The following MAP2K5 variants were observed in gnomAD, a reference collection of about 807,000 sequenced individuals.
MAP2K5 encodes dual specificity mitogen-activated protein kinase kinase 5.
MAP2K5 carries 49 observed loss-of-function variants against 83.1 expected under a neutral mutation model. That is an observed-to-expected ratio of 0.59 (90% CI 0.47 to 0.75). The LOEUF is 0.75. Ranked by LOEUF, MAP2K5 falls within the 30% of genes least tolerant of loss-of-function variation. The pLI, the probability that MAP2K5 is intolerant of heterozygous loss-of-function variation, is 0.00. For missense variants in MAP2K5, 457 were observed against 557.5 expected (o/e 0.82, Z 1.82); for synonymous variants, 202 against 191.8 (o/e 1.05, Z -0.44).
intron 9 of MAP2K5, among the ~76,000 whole-genome samples, chr15:67,643,083 T>C (rs1321117067): frequency 2.0e-5 from 3 of 152,162 alleles, no homozygotes; most frequent in Admixed American, 2.0e-4. Context: ...TTCCATTGTT[T>C]TGGGGTAAAG....
At chr15:67,601,804 A>G (rs1413979300) in intron 8 of MAP2K5, among the ~76,000 whole-genome samples, 1 of 152,202 alleles carries the variant, frequency 6.6e-6, no homozygotes, top group Non-Finnish European at 1.5e-5. Flanking sequence ...TTGATTTCTC[A>G]GGCTTAGAAG....
At chr15:67,614,515 C>T (rs1419253624) in intron 8 of MAP2K5, among the ~76,000 whole-genome samples, 1 of 152,076 alleles carries the variant, frequency 6.6e-6, no homozygotes, top group Non-Finnish European at 1.5e-5. Context: ...CTAACAATTC[C>T]AGTTCTTTCA....
chr15:67,806,142 C>T (rs1178118049), intron 21 of MAP2K5, among the ~76,000 whole-genome samples: 1 of 152,224 alleles, frequency 6.6e-6, no homozygotes, highest in African/African-American at 2.4e-5. Context: ...TTTGCCTTCC[C>T]TCCAATTGCA....
At chr15:67,772,632 G>A (rs2090164045) in intron 20 of MAP2K5, 75 bp from the exon 21 acceptor site, 6 of 901,148 alleles carry the variant, frequency 6.7e-6, no homozygotes, top group South Asian at 5.6e-5. Context: ...AGTACAAATA[G>A]CCATTGGTAG....
At chr15:67,570,500 G>T (rs2084928866) in intron 3 of MAP2K5, among the ~76,000 whole-genome samples, 1 of 152,232 alleles carries the variant, frequency 6.6e-6, no homozygotes, top group Non-Finnish European at 1.5e-5. Context: ...CTGAAGCCAG[G>T]TAAGTAAATG....
intron 9 of MAP2K5, among the ~76,000 whole-genome samples, chr15:67,634,949 CTT>C (rs2086566827): frequency 1.3e-5 from 2 of 152,010 alleles, no homozygotes; most frequent in Non-Finnish European, 2.9e-5. Flanking sequence ...TCATTTTGCT[CTT>C]TGTTTTCTAT....
intron 6 of MAP2K5, among the ~76,000 whole-genome samples, chr15:67,591,551 A>G (rs555278836): frequency 1.3e-5 from 2 of 150,788 alleles, no homozygotes; most frequent in East Asian, 4.2e-4. Context: ...TTGTATTTTT[A>G]GTAGAGACAG....
At chr15:67,705,976 T>A (rs892273783) in intron 16 of MAP2K5, among the ~76,000 whole-genome samples, 2 of 152,106 alleles carry the variant, frequency 1.3e-5, no homozygotes, top group African/African-American at 4.8e-5. Context: ...AGGGCAAATA[T>A]AGCCTTGTAG....
intron 13 of MAP2K5, among the ~76,000 whole-genome samples, chr15:67,670,933 G>A (rs1360033838): frequency 6.6e-6 from 1 of 152,164 alleles, no homozygotes; most frequent in Admixed American, 6.6e-5. Context: ...CAAGAACTGC[G>A]TATCTGCAGA....
chr15:67,789,144 C>CG (rs1443274502), intron 21 of MAP2K5, among the ~76,000 whole-genome samples: 1 of 152,124 alleles, frequency 6.6e-6, no homozygotes, highest in Non-Finnish European at 1.5e-5. Context: ...TGCTTTTTTA[C>CG]TTAGTGAGTC....
Position 67,552,452 on chromosome 15 carries a change from T to C in MAP2K5, c.184+2370T>C, listed in dbSNP as rs1205520200. Among the ~76,000 whole-genome samples, 1 of 152,174 alleles carries C rather than the reference T, an allele frequency of 6.6e-6. No individual in the cohort carries two copies. Among genetic ancestry groups the C allele is most frequent in the African/African-American group, 2.4e-5 (1 of 41,438 alleles). ...CCCCACGAAGTACTCGTTATTTTTTTGAGACAGAGTATTGCTCTGTTGCCC... is the reference window on the plus strand; with the variant it reads ...CCCCACGAAGTACTCGTTATTTTTTCGAGACAGAGTATTGCTCTGTTGCCC... On this transcript the variant is annotated intron_variant, in intron 2 of 21. Coordinates refer to ENST00000178640, the MANE Select transcript of MAP2K5 (RefSeq NM_145160.3). This position sits in a 1 kb window ranked among gnomAD's most constrained non-coding sequence, Gnocchi z 4.2.
At chr15:67,667,490 G>A (rs1402320683) in intron 13 of MAP2K5, among the ~76,000 whole-genome samples, 2 of 152,122 alleles carry the variant, frequency 1.3e-5, no homozygotes, top group South Asian at 2.1e-4. Context: ...TTCTGCAGGG[G>A]CTGGGGGAGC....
intron 11 of MAP2K5, among the ~76,000 whole-genome samples, chr15:67,656,877 C>T (rs1353377853): frequency 6.6e-6 from 1 of 152,158 alleles, no homozygotes; most frequent in Admixed American, 6.6e-5. Flanking sequence ...TAAACCAACC[C>T]CTTCTGCCAT....
chr15:67,704,138 C>T (rs772716624), intron 16 of MAP2K5, among the ~76,000 whole-genome samples: 14 of 151,994 alleles, frequency 9.2e-5, no homozygotes, highest in Non-Finnish European at 1.9e-4. Context: ...ATGCATGTAA[C>T]TTATATTAGA....
Position 67,768,615 on chromosome 15 carries a change from T to C in MAP2K5, c.1135-987T>C, listed in dbSNP as rs1315808926. ...GTATCATACTTTGCAGGGCACTTTG[T>C]GTAGGGATGTCAGGGAGGAAAAAAG... On this transcript the variant is annotated intron_variant, in intron 19 of 21. Coordinates refer to ENST00000178640, the MANE Select transcript of MAP2K5 (RefSeq NM_145160.3). The surrounding 1 kb of genome is among the most constrained non-coding windows in gnomAD (Gnocchi z 4.0). Among the ~76,000 whole-genome samples, 1 of 152,184 alleles carries C rather than the reference T, an allele frequency of 6.6e-6. No homozygotes were observed. Among genetic ancestry groups the C allele is most frequent in the Non-Finnish European group, 1.5e-5 (1 of 68,016 alleles).
intron 17 of MAP2K5, among the ~76,000 whole-genome samples, chr15:67,745,686 A>T (rs188961834): frequency 2.6e-4 from 39 of 152,348 alleles, no homozygotes; most frequent in African/African-American, 9.4e-4. Flanking sequence ...TATCTGAGAC[A>T]GAAAAAGGAG....
chr15:67,545,771 G>A (rs147951359), intron 1 of MAP2K5, among the ~76,000 whole-genome samples: 1 of 152,310 alleles, frequency 6.6e-6, no homozygotes, highest in African/African-American at 2.4e-5. Flanking sequence ...TTGGGGAGGG[G>A]TGAAAGTAAT....
intron 8 of MAP2K5, among the ~76,000 whole-genome samples, chr15:67,613,376 A>G (rs1481137141): frequency 1.3e-5 from 2 of 152,222 alleles, no homozygotes; most frequent in African/African-American, 4.8e-5. Flanking sequence ...CTTACTTGCC[A>G]GCCAAGGAAT....
In MAP2K5 at chr15:67,563,251, C is replaced by T. The variant is rs770404451; in HGVS notation, c.185-32C>T. ...CCTTTGTGCATTAAACAAATGCACA[C>T]CTTATCATTTGCATTATGTGCTTTT... On this transcript the variant is annotated intron_variant, in intron 2 of 21. Coordinates refer to ENST00000178640, the MANE Select transcript of MAP2K5 (RefSeq NM_145160.3). The surrounding 1 kb of genome is among the most constrained non-coding windows in gnomAD (Gnocchi z 4.5). 7 of 1,601,948 alleles carry T rather than the reference C, an allele frequency of 4.4e-6. No homozygotes were observed. Among genetic ancestry groups the T allele is most frequent in the Non-Finnish European group, 6.0e-6 (7 of 1,176,196 alleles).
Sources: allele counts gnomAD v4.1 joint callset (sites outside exome capture counted in the v4.1 genomes callset), GRCh38; gene constraint gnomAD v4.1.1; non-coding constraint Gnocchi (gnomAD v3.1); transcripts MANE v1.5; gene names NCBI Gene and HGNC (gene_info 2026-07-23, HGNC 2026-07-21).